Variants in LOC122513141 observed in about 807,000 individuals in gnomAD.
At chr9:137,218,577 TGCTCCTG>T in the LOC122513141 span, 15 of 399,438 alleles carry the variant, frequency 3.8e-5, no homozygotes, top group Non-Finnish European at 6.6e-5. Flanking sequence ...CTGCTCTTCG[TGCTCCTG>T]GACCGCTCTG....
the LOC122513141 span, chr9:137,218,441 C>G: frequency 5.0e-6 from 2 of 398,356 alleles, no homozygotes; most frequent in African/African-American, 4.1e-5. Context: ...TCCACCCTGC[C>G]TGGGTGCCCG....
At chr9:137,218,625 C>T in the LOC122513141 span, 606 of 398,608 alleles carry the variant, frequency 1.5e-3, 1 homozygote, top group Admixed American at 2.2e-3. Context: ...ACAGCCCCGC[C>T]GCCAACAGGC....
the LOC122513141 span, chr9:137,218,693 A>G: frequency 5.0e-6 from 2 of 398,024 alleles, no homozygotes; most frequent in Non-Finnish European, 8.9e-6. Context: ...CCTGATGACC[A>G]GGCTGGAAAA....
At chr9:137,218,576 G>C in the LOC122513141 span, 3 of 399,458 alleles carry the variant, frequency 7.5e-6, no homozygotes, top group African/African-American at 6.2e-5. Context: ...ACTGCTCTTC[G>C]TGCTCCTGGA....
At chr9:137,217,507 T>C in the LOC122513141 span, 1 of 154,024 alleles carries the variant, frequency 6.5e-6, no homozygotes, top group African/African-American at 2.4e-5. Context: ...CCCGCCTCGC[T>C]GTCTTGGAGT....
the LOC122513141 span, chr9:137,218,102 C>A: frequency 2.5e-6 from 1 of 398,734 alleles, no homozygotes; most frequent in East Asian, 3.6e-5. Context: ...GCCCTACGGG[C>A]CCAGAGAGCG....
chr9:137,217,754 C>T, the LOC122513141 span: 1 of 388,290 alleles, frequency 2.6e-6, no homozygotes, highest in East Asian at 3.7e-5. Context: ...TGTCGCCGCC[C>T]TGGGGTCCCT....
chr9:137,217,654 C>T, the LOC122513141 span: 1 of 242,422 alleles, frequency 4.1e-6, no homozygotes, highest in Non-Finnish European at 7.9e-6. Flanking sequence ...GGGCCCCAGT[C>T]AAGTCCACTT....
chr9:137,218,961 C>G, the LOC122513141 span: 4 of 247,604 alleles, frequency 1.6e-5, no homozygotes, highest in East Asian at 2.2e-4. Flanking sequence ...GCCGGCCACA[C>G]TTCCCCTCCG....
chr9:137,218,647 G>T, the LOC122513141 span: 2 of 398,454 alleles, frequency 5.0e-6, no homozygotes, highest in Non-Finnish European at 8.8e-6. Flanking sequence ...AGGGGGCCCA[G>T]ACTGGCCCAC....
chr9:137,218,949 A>T, the LOC122513141 span: 1 of 261,140 alleles, frequency 3.8e-6, no homozygotes, highest in Non-Finnish European at 7.2e-6. Context: ...CCACGGGCTG[A>T]CGCCGGCCAC....
the LOC122513141 span, chr9:137,218,477 C>G: frequency 2.5e-6 from 1 of 397,588 alleles, no homozygotes. Context: ...GGAGCGGGGA[C>G]CCTGTGCCCG....
chr9:137,218,079 C>T, the LOC122513141 span: 7 of 398,908 alleles, frequency 1.8e-5, no homozygotes, highest in African/African-American at 4.1e-5. Context: ...GAGGAGTGCC[C>T]GATCTGCACA....
chr9:137,218,771 C>G, the LOC122513141 span: 1 of 397,186 alleles, frequency 2.5e-6, no homozygotes, highest in East Asian at 3.6e-5. Flanking sequence ...ACAACCAGGG[C>G]TACCCAGAGG....
At chr9:137,218,632 A>C in the LOC122513141 span, 2 of 398,590 alleles carry the variant, frequency 5.0e-6, no homozygotes, top group African/African-American at 4.1e-5. Context: ...CGCCGCCAAC[A>C]GGCCAGGGGG....
the LOC122513141 span, chr9:137,218,182 C>G: frequency 2.5e-6 from 1 of 398,572 alleles, no homozygotes; most frequent in South Asian, 1.3e-4. Flanking sequence ...TGGGCTCGGC[C>G]TCCAGTGCCG....
chr9:137,217,644 G>A, the LOC122513141 span: 1 of 228,666 alleles, frequency 4.4e-6, no homozygotes, highest in Non-Finnish European at 8.5e-6. Context: ...GGCCTTGCTG[G>A]GGCCCCAGTC....
chr9:137,219,183 G>A, the LOC122513141 span: 2 of 152,422 alleles, frequency 1.3e-5, no homozygotes, highest in Non-Finnish European at 1.5e-5. Context: ...GACCAGGTGG[G>A]GGTTGGCGCT....
the LOC122513141 span, chr9:137,218,015 C>T: frequency 1.3e-5 from 5 of 399,158 alleles, no homozygotes; most frequent in East Asian, 1.8e-4. Flanking sequence ...TGCCTGGGCC[C>T]TTCCAACCTG....
Sources: gnomAD v4.1 joint callset for allele counts on GRCh38, gnomAD v4.1.1 for gene constraint, MANE v1.5 for transcripts.